INA: variants seen among roughly 807,000 people sequenced by gnomAD.
INA encodes internexin neuronal intermediate filament protein alpha.
Under a neutral mutation model 40.1 loss-of-function variants are expected in INA, and 35 were observed. That is an observed-to-expected ratio of 0.87 (90% CI 0.67 to 1.16). The LOEUF (loss-of-function observed/expected upper bound fraction) is 1.16. INA is among the 50% of genes most tolerant of loss of function. The pLI is 0.00. For synonymous variants in INA, 290 were observed against 316.9 expected (o/e 0.92, Z 0.90); for missense variants, 594 against 686.7 (o/e 0.87, Z 1.51).
In INA at chr10:103,280,549, G is replaced by A; in HGVS notation, c.1065+2273G>A. ...TTCTGCTACAGAGATTAGTGGTAGG[G>A]CCATTTTTCTTTTCAAACTTGGCAC... On this transcript the variant is annotated intron_variant, in intron 1 of 2. Coordinates refer to ENST00000369849, the MANE Select transcript of INA (RefSeq NM_032727.4). 8 of 985,422 alleles carry A rather than the reference G, an allele frequency of 8.1e-6. No homozygotes were observed. The South Asian group carries it at 3.8e-4, about 46-fold the overall frequency. 61.0% of individuals were successfully genotyped at this position (985,422 alleles called of 1,614,324 possible). A position where few individuals can be genotyped will look rare whatever the true frequency, so the allele number is the denominator to read the frequency against.
In INA at chr10:103,288,513, AGAG is replaced by A. The variant is rs545805667; in HGVS notation, c.1361_1363del (p.Glu454del). On this transcript the variant is annotated inframe_deletion, in exon 3 of 3. Transcript: ENST00000369849. ...CATCCACTGGGCTATCACTTAAGAA[AGAG>A]GAGGAGGAGGAGGAGGCATCTAAGG... is the stretch of plus-strand genomic sequence containing the variant. 2.8e-4 allele frequency: 438 copies of A among 1,585,714 alleles called. 3 individuals carry two copies. Among genetic ancestry groups the A allele is most frequent in the Middle Eastern group, 2.3e-3 (14 of 5,962 alleles).
chr10:103,288,777 C>T lies in INA; in HGVS notation c.*108C>T, dbSNP rs918658002. ...ACCTGCCACCACTATAAAATGTCTT[C>T]AAGGCTTCAGTCTCATATTTAGTAT... is the stretch of plus-strand genomic sequence containing the variant. On this transcript the variant is annotated 3_prime_UTR_variant, in exon 3 of 3. Transcript: ENST00000369849. 16 of 713,060 alleles carry T rather than the reference C, an allele frequency of 2.2e-5. No homozygotes were observed. The African/African-American group carries it at 2.5e-4, about 11-fold the overall frequency. The allele number at this position is 713,060 out of a possible 1,614,324, so 44.2% of individuals were successfully genotyped here.
rs2093094503 is a variant in INA, at chr10:103,289,397, T to G, written c.*728T>G. 6.6e-6 allele frequency: 1 copy of G among 152,656 alleles called. No homozygotes were observed. Among genetic ancestry groups the G allele is most frequent in the South Asian group, 2.1e-4 (1 of 4,836 alleles). 9.5% of individuals were successfully genotyped at this position (152,656 alleles called of 1,614,324 possible). ...ATTCTGTAGGTTAAAAAAATGGCAG[T>G]GATGAATTTTAAGGGTTTCCCCCAA... On this transcript the variant is annotated 3_prime_UTR_variant, in exon 3 of 3. Transcript: ENST00000369849.
chr10:103,277,288 C>T lies in INA; in HGVS notation c.77C>T (p.Ser26Phe), dbSNP rs747848985. 5 of 1,574,518 alleles carry T rather than the reference C, an allele frequency of 3.2e-6. No homozygotes were observed. Among genetic ancestry groups the T allele is most frequent in the Non-Finnish European group, 4.3e-6 (5 of 1,166,884 alleles). Residue 26 changes from serine (S) to phenylalanine (F), a missense_variant, in exon 1 of 3, where the codon TCC (serine) becomes TTC (phenylalanine). By Grantham distance (155) the Ser-to-Phe change is radical. Transcript: ENST00000369849. The surrounding 1 kb of genome is among the most constrained non-coding windows in gnomAD (Gnocchi z 5.6). ...GTGTTCGGGGATGGCTCTCGCCTGT[C>T]CGCCCGCCTCTCTGGGGCCGGCGGC... ...RKVFGDGSRL[S>F]ARLSGAGGAG... is the part of the protein sequence containing the mutation.
At chr10:103,280,660 C>T (rs1236878198) in intron 1 of INA, 7 of 985,312 alleles carry the variant, frequency 7.1e-6, no homozygotes, top group African/African-American at 1.7e-5. Flanking sequence ...GAGAAAGCTT[C>T]TTACACTTTT....
Position 103,278,404 on chromosome 10 carries a change from G to A in INA, c.1065+128G>A. The A allele has an allele frequency of 6.6e-6, 5 of 752,198 alleles. No individual in the cohort carries two copies. Among genetic ancestry groups the A allele is most frequent in the Non-Finnish European group, 1.0e-5 (5 of 480,110 alleles). 46.6% of individuals were successfully genotyped at this position (752,198 alleles called of 1,614,324 possible). On this transcript the variant is annotated intron_variant, in intron 1 of 2. Coordinates refer to ENST00000369849, the MANE Select transcript of INA (RefSeq NM_032727.4). The surrounding 1 kb of genome is among the most constrained non-coding windows in gnomAD (Gnocchi z 4.9). ...AGAGAGGAGAGAAGAGCCGCGGCTG[G>A]AGGCGCTGGTTAACAAAAAACCCTG...
At position 103,288,766 on chromosome 10, in the gene INA, T is replaced by TA; in HGVS notation, c.*101dup. 1 of 751,402 alleles carries TA rather than the reference T, an allele frequency of 1.3e-6. No homozygotes were observed. Among genetic ancestry groups the TA allele is most frequent in the Non-Finnish European group, 2.2e-6 (1 of 462,980 alleles). The allele number at this position is 751,402 out of a possible 1,614,324, so 46.5% of individuals were successfully genotyped here. On this transcript the variant is annotated 3_prime_UTR_variant, in exon 3 of 3. Transcript: ENST00000369849. The stretch of plus-strand genomic sequence containing the variant: ...TGAACTATAACACCTGCCACCACTA[T>TA]AAAATGTCTTCAAGGCTTCAGTCTC...
At position 103,278,391 on chromosome 10, in the gene INA, A is replaced by C; in HGVS notation, c.1065+115A>C. 1 of 858,652 alleles carries C rather than the reference A, an allele frequency of 1.2e-6. No individual in the cohort carries two copies. Among genetic ancestry groups the C allele is most frequent in the Non-Finnish European group, 1.7e-6 (1 of 575,138 alleles). The allele number at this position is 858,652 out of a possible 1,614,324, so 53.2% of individuals were successfully genotyped here. A position where few individuals can be genotyped will look rare whatever the true frequency, so the allele number is the denominator to read the frequency against. ...AGGGGAGGGCAAAAGAGAGGAGAGA[A>C]GAGCCGCGGCTGGAGGCGCTGGTTA... is the stretch of plus-strand genomic sequence containing the variant. On this transcript the variant is annotated intron_variant, in intron 1 of 2. Coordinates refer to ENST00000369849, the MANE Select transcript of INA (RefSeq NM_032727.4). The surrounding 1 kb of genome is among the most constrained non-coding windows in gnomAD (Gnocchi z 4.9).
At chr10:103,283,672 A>C (rs539251173) in intron 1 of INA, among the ~76,000 whole-genome samples, 1 of 151,338 alleles carries the variant, frequency 6.6e-6, no homozygotes, top group South Asian at 2.1e-4. Context: ...TATCATTCTC[A>C]CACAAGGGGA....
intron 1 of INA, among the ~76,000 whole-genome samples, chr10:103,283,486 T>C (rs1415522645): frequency 6.6e-6 from 1 of 152,234 alleles, no homozygotes; most frequent in African/African-American, 2.4e-5. Flanking sequence ...ATACGTATTT[T>C]TCCTACTGAC....
Position 103,278,117 on chromosome 10 carries a change from C to A in INA, c.906C>A (p.Thr302=). ...ANLNEQAARS[T]EAIRASREEI... Reference sequence around the variant, plus strand: ...TGAACGAGCAGGCGGCGCGCAGCACCGAGGCCATCCGGGCCAGCCGCGAGG... The same window carrying A: ...TGAACGAGCAGGCGGCGCGCAGCACAGAGGCCATCCGGGCCAGCCGCGAGG... Residue 302 remains threonine, a synonymous_variant, in exon 1 of 3, where the codon ACC becomes ACA. Coordinates refer to ENST00000369849, the MANE Select transcript of INA (RefSeq NM_032727.4). This position sits in a 1 kb window ranked among gnomAD's most constrained non-coding sequence, Gnocchi z 4.9. The A allele has an allele frequency of 3.1e-6, 5 of 1,613,030 alleles. No homozygotes were observed. The highest frequency in any genetic ancestry group is 3.4e-6 in the Non-Finnish European group (4 of 1,179,872).
chr10:103,282,222 T>C (rs1247129175), intron 1 of INA, among the ~76,000 whole-genome samples: 1 of 152,182 alleles, frequency 6.6e-6, no homozygotes, highest in Non-Finnish European at 1.5e-5. Context: ...ATCTCATCTG[T>C]CTAGAACTCA....
chr10:103,286,694 TA>T (rs35520764), intron 1 of INA, among the ~76,000 whole-genome samples: 467 of 142,526 alleles, frequency 3.3e-3, no homozygotes, highest in Admixed American at 3.5e-3. Flanking sequence ...ATGGTAAGTG[TA>T]AAAAAAAAAA....
intron 1 of INA, among the ~76,000 whole-genome samples, chr10:103,281,999 G>C (rs1216596459): frequency 6.6e-6 from 1 of 152,202 alleles, no homozygotes; most frequent in Admixed American, 6.5e-5. Context: ...CTCAGATCTC[G>C]AGCTGGAGGC....
Position 103,278,347 on chromosome 10 carries a change from A to G in INA, c.1065+71A>G. 1 of 1,279,072 alleles carries G rather than the reference A, an allele frequency of 7.8e-7. No homozygotes were observed. The highest frequency in any genetic ancestry group is 1.1e-6 in the Non-Finnish European group (1 of 943,966). The allele number at this position is 1,279,072 out of a possible 1,614,324, so 79.2% of individuals were successfully genotyped here. On this transcript the variant is annotated intron_variant, in intron 1 of 2. Coordinates refer to ENST00000369849, the MANE Select transcript of INA (RefSeq NM_032727.4). This position sits in a 1 kb window ranked among gnomAD's most constrained non-coding sequence, Gnocchi z 4.9. ...CGCGCGTACCCTCTTCCTCTGGTAA[A>G]ACTGGGCCCCAGGACTTAAGGGGAG...
intron 1 of INA, among the ~76,000 whole-genome samples, chr10:103,282,710 C>T (rs185706834): frequency 1.6e-4 from 24 of 151,838 alleles, no homozygotes; most frequent in Admixed American, 1.5e-3. Context: ...GTATAAGCCA[C>T]TTTAGAAAGG....
chr10:103,282,595 G>A (rs1183008503), intron 1 of INA, among the ~76,000 whole-genome samples: 1 of 152,068 alleles, frequency 6.6e-6, no homozygotes, highest in African/African-American at 2.4e-5. Flanking sequence ...GATATACCTC[G>A]AATGACCTAA....
Position 103,278,231 on chromosome 10 carries a change from CCTGGAGCTG to C in INA, c.1021_1029del (p.Leu341_Leu343del). 3.8e-6 allele frequency: 6 copies of C among 1,590,400 alleles called. No homozygotes were observed. Among genetic ancestry groups the C allele is most frequent in the Non-Finnish European group, 5.1e-6 (6 of 1,169,656 alleles). On this transcript the variant is annotated inframe_deletion, in exon 1 of 3. Coordinates refer to ENST00000369849, the MANE Select transcript of INA (RefSeq NM_032727.4). This position sits in a 1 kb window ranked among gnomAD's most constrained non-coding sequence, Gnocchi z 4.9. The stretch of plus-strand genomic sequence containing the variant: ...CCAACGAGTCCTTGGAGAGGCAGAT[CCTGGAGCTG>C]GAGGAGCGGCACAGTGCCGAGGTAG...
chr10:103,289,993 C>T lies in INA; in HGVS notation c.*1324C>T, dbSNP rs1445941812. The stretch of plus-strand genomic sequence containing the variant: ...GAAGGGGTGTGCATGCGCCTACTCG[C>T]TTGCTAGAAGTAGATTCTGGACAGT... On this transcript the variant is annotated 3_prime_UTR_variant, in exon 3 of 3. Coordinates refer to ENST00000369849, the MANE Select transcript of INA (RefSeq NM_032727.4). 6.5e-6 allele frequency: 1 copy of T among 152,714 alleles called. No homozygotes were observed. The highest frequency in any genetic ancestry group is 6.5e-5 in the Admixed American group (1 of 15,276). The allele number at this position is 152,714 out of a possible 1,614,324, so 9.5% of individuals were successfully genotyped here. A position where few individuals can be genotyped will look rare whatever the true frequency, so the allele number is the denominator to read the frequency against.
Sources: allele counts gnomAD v4.1 joint callset (sites outside exome capture counted in the v4.1 genomes callset), GRCh38; gene constraint gnomAD v4.1.1; non-coding constraint Gnocchi (gnomAD v3.1); transcripts MANE v1.5; gene names NCBI Gene and HGNC (gene_info 2026-07-23, HGNC 2026-07-21).